The following ZNF407 variants were observed in gnomAD, a reference collection of about 807,000 sequenced individuals.
ZNF407 encodes the protein zinc finger protein 407.
ZNF407 carries 17 observed loss-of-function variants against 131.2 expected under a neutral mutation model. The ratio of observed to expected loss-of-function variants is 0.13; its 90% CI spans 0.09 to 0.19. ZNF407 has a LOEUF of 0.19. ZNF407 is among the 10% of genes least tolerant of loss of function. The pLI, the probability that ZNF407 is intolerant of heterozygous loss-of-function variation, is 1.00. For missense variants in ZNF407, 2,681 were observed against 2,830.6 expected (o/e 0.95, Z 1.20); for synonymous variants, 1,156 against 1,062.0 (o/e 1.09, Z -1.72).
chr18:74,935,940 C>T (rs1017413523), intron 8 of ZNF407, among the ~76,000 whole-genome samples: 2 of 152,008 alleles, frequency 1.3e-5, no homozygotes, highest in African/African-American at 4.8e-5. Context: ...GCCTTTTCTC[C>T]CTGTATGTAA....
intron 8 of ZNF407, among the ~76,000 whole-genome samples, chr18:74,930,689 T>A (rs954428015): frequency 6.6e-6 from 1 of 152,226 alleles, no homozygotes; most frequent in Non-Finnish European, 1.5e-5. Flanking sequence ...CCATTGTGGC[T>A]TATTTTCTTA....
intron 4 of ZNF407, among the ~76,000 whole-genome samples, chr18:74,794,375 T>C (rs757924846): frequency 1.3e-5 from 2 of 152,152 alleles, no homozygotes; most frequent in African/African-American, 2.4e-5. Context: ...AATGATCTTA[T>C]ATTTATAGAA....
intron 2 of ZNF407, among the ~76,000 whole-genome samples, chr18:74,637,898 A>G (rs771122160): frequency 3.3e-5 from 5 of 152,230 alleles, no homozygotes; most frequent in Non-Finnish European, 7.3e-5. Flanking sequence ...CAAGCATCGT[A>G]GGAAAAAGGA....
Position 74,792,011 on chromosome 18 carries a change from T to TA in ZNF407, c.4877+10510dup, listed in dbSNP as rs200050563. On this transcript the variant is annotated intron_variant, in intron 4 of 8. Coordinates refer to ENST00000299687, the MANE Select transcript of ZNF407 (RefSeq NM_017757.3). Reference sequence around the variant, plus strand: ...TGGAGCTTTATATGGCACTGCCACTTACCGAGTCACCCTCAAGTTCATTGT... The same window carrying TA: ...TGGAGCTTTATATGGCACTGCCACTTAACCGAGTCACCCTCAAGTTCATTGT... Among the ~76,000 whole-genome samples the TA allele has an allele frequency of 6.6e-3, 1,010 of 152,338 alleles. 5 individuals are homozygous for TA. The highest frequency in any genetic ancestry group is 0.02 in the Middle Eastern group (6 of 294).
At chr18:74,840,144 G>A (rs919543991) in intron 4 of ZNF407, among the ~76,000 whole-genome samples, 19 of 152,072 alleles carry the variant, frequency 1.2e-4, no homozygotes, top group African/African-American at 4.1e-4. Context: ...CATGGCTTTC[G>A]GGAAACCACA....
At chr18:74,968,869 C>CCCT (rs1972439380) in intron 8 of ZNF407, among the ~76,000 whole-genome samples, 2 of 151,830 alleles carry the variant, frequency 1.3e-5, no homozygotes, top group Non-Finnish European at 2.9e-5. Context: ...TTGGTGCAGC[C>CCCT]CCTCCTCCTC....
chr18:74,965,832 T>A (rs1039180193), intron 8 of ZNF407, among the ~76,000 whole-genome samples: 2 of 152,206 alleles, frequency 1.3e-5, no homozygotes, highest in Non-Finnish European at 2.9e-5. Flanking sequence ...GTTGCTTGCC[T>A]TTTGAATATA....
intron 1 of ZNF407, among the ~76,000 whole-genome samples, chr18:74,599,885 T>C (rs886957570): frequency 2.6e-5 from 4 of 152,244 alleles, no homozygotes; most frequent in Non-Finnish European, 5.9e-5. Context: ...AATTGATAGT[T>C]GTGACTCTTT....
intron 8 of ZNF407, among the ~76,000 whole-genome samples, chr18:74,983,593 T>C (rs1198798842): frequency 6.6e-6 from 1 of 152,224 alleles, no homozygotes; most frequent in Non-Finnish European, 1.5e-5. Context: ...GAATATGACT[T>C]CTATACAGAG....
intron 8 of ZNF407, among the ~76,000 whole-genome samples, chr18:75,059,200 AAT>A (rs1973596501): frequency 6.6e-6 from 1 of 152,230 alleles, no homozygotes; most frequent in Admixed American, 6.5e-5. Flanking sequence ...AGTAGTTCAG[AAT>A]AGCATAATTA....
At chr18:74,763,862 A>G (rs1026403734) in intron 3 of ZNF407, among the ~76,000 whole-genome samples, 1 of 150,080 alleles carries the variant, frequency 6.7e-6, no homozygotes, top group Non-Finnish European at 1.5e-5. Context: ...GGCGCCCGCT[A>G]CCACGCCCGG....
At chr18:74,768,615 T>C (rs1427977021) in intron 3 of ZNF407, among the ~76,000 whole-genome samples, 1 of 152,172 alleles carries the variant, frequency 6.6e-6, no homozygotes, top group Non-Finnish European at 1.5e-5. Context: ...TTTCTTGAAA[T>C]ACCTAGGAAT....
intron 7 of ZNF407, among the ~76,000 whole-genome samples, chr18:74,915,404 A>G (rs1443165677): frequency 9.5e-6 from 1 of 105,788 alleles, no homozygotes; most frequent in African/African-American, 4.0e-5. Flanking sequence ...TCGAATCAGG[A>G]GTGTGTGTGT....
chr18:74,981,649 G>A (rs1339275333), intron 8 of ZNF407, among the ~76,000 whole-genome samples: 1 of 151,208 alleles, frequency 6.6e-6, no homozygotes, highest in Non-Finnish European at 1.5e-5. Context: ...ACTGTCGCTC[G>A]GCCCTGGAGG....
At chr18:74,973,333 G>T (rs891594654) in intron 8 of ZNF407, among the ~76,000 whole-genome samples, 8 of 152,092 alleles carry the variant, frequency 5.3e-5, no homozygotes, top group African/African-American at 1.9e-4. Context: ...TTTTGCTTCA[G>T]TCACCAAACA....
chr18:74,678,627 G>T (rs1435183889), intron 3 of ZNF407, among the ~76,000 whole-genome samples: 1 of 152,178 alleles, frequency 6.6e-6, no homozygotes, highest in Non-Finnish European at 1.5e-5. Flanking sequence ...TAACTCTTCA[G>T]TGTCTTCAGT....
At chr18:74,650,087 T>C (rs1985157544) in intron 3 of ZNF407, among the ~76,000 whole-genome samples, 1 of 152,238 alleles carries the variant, frequency 6.6e-6, no homozygotes, top group Non-Finnish European at 1.5e-5. Flanking sequence ...ATGTGAATTA[T>C]ATCTAAAATC....
At position 74,791,580 on chromosome 18, in the gene ZNF407, C is replaced by A. The variant is rs117675116; in HGVS notation, c.4877+10078C>A. The stretch of plus-strand genomic sequence containing the variant: ...ATGCTGTCAGTGTTTTCACTCATTG[C>A]CATACAGAAAGCCATGGCTCCCTGT... On this transcript the variant is annotated intron_variant, in intron 4 of 8. Coordinates refer to ENST00000299687, the MANE Select transcript of ZNF407 (RefSeq NM_017757.3). 6.0e-3 allele frequency among the ~76,000 whole-genome samples: 906 copies of A among 152,226 alleles called. 21 individuals carry two copies. Among genetic ancestry groups the A allele is most frequent in the Admixed American group, 0.044 (674 of 15,284 alleles).
At position 74,876,286 on chromosome 18, in the gene ZNF407, T is replaced by C. The variant is rs74715971; in HGVS notation, c.4878-911T>C. On this transcript the variant is annotated intron_variant, in intron 4 of 8. Transcript: ENST00000299687. ...CTCGTTATAATATTTTACTGTTGAT[T>C]ATTGAGTTTTACTTTGCTTTTGACT... Among the ~76,000 whole-genome samples the C allele has an allele frequency of 9.2e-3, 1,405 of 152,358 alleles. 17 individuals are homozygous for C. Among genetic ancestry groups the C allele is most frequent in the Middle Eastern group, 0.017 (5 of 294 alleles).
Sources: allele counts gnomAD v4.1 joint callset (sites outside exome capture counted in the v4.1 genomes callset), GRCh38; gene constraint gnomAD v4.1.1; transcripts MANE v1.5; gene names NCBI Gene and HGNC (gene_info 2026-07-23, HGNC 2026-07-21).